The following MMP16 variants were observed in gnomAD, a reference collection of about 807,000 sequenced individuals.
MMP16 encodes matrix metalloproteinase-16.
MMP16 carries 12 observed loss-of-function variants against 67.8 expected under a neutral mutation model. The observed-to-expected ratio is 0.18, with a 90% CI of 0.11 to 0.29. MMP16 has a LOEUF of 0.29. Ranked by LOEUF, MMP16 falls within the 10% of genes least tolerant of loss-of-function variation. The pLI is 1.00. For missense variants in MMP16, 475 were observed against 765.7 expected (o/e 0.62, Z 4.48); for synonymous variants, 249 against 255.9 (o/e 0.97, Z 0.26).
chr8:88,088,110 A>ATAAT (rs1348567853), intron 6 of MMP16, among the ~76,000 whole-genome samples: 228 of 18,690 alleles, frequency 0.012, 1 homozygote, highest in Non-Finnish European at 0.032. Flanking sequence ...TGCTGACTGT[A>ATAAT]AGTACAGAAG....
rs184641023 is a variant in MMP16 at position 88,259,890 on chromosome 8, T to C, written c.133-62584A>G. ...GAATCTGACTTGAAGATGGATTCCC[T>C]AAGCGTTCAGTCTGGTAAACTGGTG... On this transcript the variant is annotated intron_variant, in intron 1 of 9. Coordinates refer to ENST00000286614, the MANE Select transcript of MMP16 (RefSeq NM_005941.5). Among the ~76,000 whole-genome samples, 362 of 152,318 alleles carry C rather than the reference T, an allele frequency of 2.4e-3. 2 individuals are homozygous for C. In the Middle Eastern group the frequency reaches 0.027, roughly 11 times the overall value.
chr8:88,116,942 G>C (rs1400341229), intron 5 of MMP16, among the ~76,000 whole-genome samples: 4 of 152,046 alleles, frequency 2.6e-5, no homozygotes, highest in African/African-American at 7.2e-5. Flanking sequence ...GATCCAGGTA[G>C]CTAGGTTTTC....
intron 7 of MMP16, among the ~76,000 whole-genome samples, chr8:88,066,576 A>G (rs954331443): frequency 6.6e-6 from 1 of 152,134 alleles, no homozygotes; most frequent in Non-Finnish European, 1.5e-5. Flanking sequence ...ACTGATAGTC[A>G]CATACACCAA....
intron 4 of MMP16, among the ~76,000 whole-genome samples, chr8:88,158,177 G>T (rs1808547788): frequency 6.6e-6 from 1 of 152,102 alleles, no homozygotes; most frequent in Admixed American, 6.6e-5. Flanking sequence ...AGTCCTTTGG[G>T]TATATACCCA....
intron 1 of MMP16, among the ~76,000 whole-genome samples, chr8:88,206,639 A>G (rs555446023): frequency 6.6e-6 from 1 of 152,178 alleles, no homozygotes; most frequent in Non-Finnish European, 1.5e-5. Context: ...CTTACTTTTT[A>G]TTAATCTTAA....
At chr8:88,103,506 A>G (rs1367050350) in intron 6 of MMP16, among the ~76,000 whole-genome samples, 1 of 151,814 alleles carries the variant, frequency 6.6e-6, no homozygotes, top group Non-Finnish European at 1.5e-5. Flanking sequence ...CTTTGCAATC[A>G]CTTTCAGGTC....
rs577475480 is a variant in MMP16, at chr8:88,230,136, C to T, written c.133-32830G>A. Among the ~76,000 whole-genome samples the T allele has an allele frequency of 2.0e-5, 3 of 152,014 alleles. No homozygotes were observed. The South Asian group carries it at 6.2e-4, about 31-fold the overall frequency. On this transcript the variant is annotated intron_variant, in intron 1 of 9. Transcript: ENST00000286614. Reference sequence around the variant, plus strand: ...GACATATCTCTAGGACAAGGATTCTCGAACTTTATTGTGCCTTAGAATCAA... The same window carrying T: ...GACATATCTCTAGGACAAGGATTCTTGAACTTTATTGTGCCTTAGAATCAA...
intron 1 of MMP16, among the ~76,000 whole-genome samples, chr8:88,278,226 T>A (rs551702740): frequency 6.6e-6 from 1 of 152,328 alleles, no homozygotes; most frequent in South Asian, 2.1e-4. Context: ...TTAACTTGAT[T>A]TCCCAGCTAA....
chr8:88,160,929 A>T (rs979218032), intron 4 of MMP16, among the ~76,000 whole-genome samples: 1 of 152,070 alleles, frequency 6.6e-6, no homozygotes, highest in Non-Finnish European at 1.5e-5. Flanking sequence ...CTTTTTGATG[A>T]GCTGCTGGAT....
intron 4 of MMP16, among the ~76,000 whole-genome samples, chr8:88,157,084 A>C (rs1302076173): frequency 6.6e-6 from 1 of 152,140 alleles, no homozygotes; most frequent in African/African-American, 2.4e-5. Flanking sequence ...ACTCTAGTGC[A>C]AACAGGGCAG....
At chr8:88,263,362 T>C (rs369079787) in intron 1 of MMP16, among the ~76,000 whole-genome samples, 13 of 152,300 alleles carry the variant, frequency 8.5e-5, no homozygotes, top group Middle Eastern at 3.4e-3. Context: ...TCTGGCTGAT[T>C]ACTTAGAGCA....
intron 1 of MMP16, among the ~76,000 whole-genome samples, chr8:88,225,103 A>G (rs1179025760): frequency 6.6e-6 from 1 of 151,982 alleles, no homozygotes; most frequent in Non-Finnish European, 1.5e-5. Context: ...TGAGGCATAA[A>G]AGATCCCTTT....
chr8:88,121,458 G>C (rs994734867), intron 4 of MMP16, among the ~76,000 whole-genome samples: 1 of 151,954 alleles, frequency 6.6e-6, no homozygotes, highest in African/African-American at 2.4e-5. Flanking sequence ...ATAAAGTACT[G>C]CCCTGTGATT....
Position 88,116,617 on chromosome 8 carries a change from G to A in MMP16, c.973C>T (p.Pro325Ser). The stretch of plus-strand genomic sequence containing the variant: ...GGTCTGCCGGTTGGAGGCCGAGGAG[G>A]TTTTGGCCTGTCATTTTTCCTTGGG... ...ADPRKNDRPK[P>S]PRPPTGRPSY... is the part of the protein sequence containing the mutation. Residue 325 changes from proline (P) to serine (S), a missense_variant, in exon 6 of 10, where the codon CCT becomes TCT. Coordinates refer to ENST00000286614, the MANE Select transcript of MMP16 (RefSeq NM_005941.5). The A allele has an allele frequency of 5.0e-6, 8 of 1,613,882 alleles. No homozygotes were observed. The highest frequency in any genetic ancestry group is 6.8e-6 in the Non-Finnish European group (8 of 1,179,878).
intron 1 of MMP16, among the ~76,000 whole-genome samples, chr8:88,240,618 T>G (rs189652108): frequency 1.8e-3 from 281 of 152,306 alleles, no homozygotes; most frequent in African/African-American, 6.6e-3. Context: ...TGATGAATTT[T>G]CTATGTGGAT....
intron 1 of MMP16, among the ~76,000 whole-genome samples, chr8:88,259,257 T>G (rs1359956847): frequency 6.6e-6 from 1 of 152,142 alleles, no homozygotes; most frequent in Non-Finnish European, 1.5e-5. Context: ...AAGTCACAAC[T>G]TTAGAAAAAG....
intron 1 of MMP16, among the ~76,000 whole-genome samples, chr8:88,262,552 A>G (rs906703232): frequency 2.0e-5 from 3 of 152,200 alleles, no homozygotes; most frequent in African/African-American, 7.2e-5. Flanking sequence ...CTGCATGTTC[A>G]GCTTTGCTGG....
Position 88,034,238 on chromosome 8 carries a change from T to TAAA in MMP16, c.*7220_*7222dup, listed in dbSNP as rs34562051. 99 of 117,382 alleles carry TAAA rather than the reference T, an allele frequency of 8.4e-4. 1 individual carries two copies. Among genetic ancestry groups the TAAA allele is most frequent in the African/African-American group, 2.5e-3 (83 of 32,648 alleles). The allele number at this position is 117,382 out of a possible 1,614,324, so 7.3% of individuals were successfully genotyped here. A position where few individuals can be genotyped will look rare whatever the true frequency, so the allele number is the denominator to read the frequency against. Reference sequence around the variant, plus strand: ...AAGGGAAGGGAAAACCAAATCTGTGTAAAAAAAAAAAAAAAAGGCAAGATA... The same window carrying TAAA: ...AAGGGAAGGGAAAACCAAATCTGTGTAAAAAAAAAAAAAAAAAAAGGCAAGATA... On this transcript the variant is annotated 3_prime_UTR_variant, in exon 10 of 10. Transcript: ENST00000286614.
intron 6 of MMP16, among the ~76,000 whole-genome samples, chr8:88,090,109 T>C (rs1013526422): frequency 6.6e-6 from 1 of 151,998 alleles, no homozygotes; most frequent in African/African-American, 2.4e-5. Context: ...CTCCCTGTCT[T>C]CTGCTTATAT....
Sources: allele counts gnomAD v4.1 joint callset (sites outside exome capture counted in the v4.1 genomes callset), GRCh38; gene constraint gnomAD v4.1.1; transcripts MANE v1.5; gene names NCBI Gene and HGNC (gene_info 2026-07-23, HGNC 2026-07-21).